The following P3H2 variants were observed in gnomAD, a reference collection of about 807,000 sequenced individuals.
P3H2 encodes the protein leprecan-like 1.
In P3H2, 80 loss-of-function variants were observed where a neutral mutation model predicts 87.0. The ratio of observed to expected loss-of-function variants is 0.92; its 90% confidence interval spans 0.77 to 1.11. The LOEUF (loss-of-function observed/expected upper bound fraction) is 1.11, where lower values mean the gene tolerates loss of function less well. Among genes scored for constraint, P3H2 ranks in the 50% least tolerant of loss-of-function variants. P3H2 has a pLI of 0.00. For synonymous variants in P3H2, 367 were observed against 359.3 expected, an observed-to-expected ratio of 1.02 and a Z score of -0.24; for missense variants, 1,001 against 923.9, an observed-to-expected ratio of 1.08 and a Z score of -1.08.
At chr3:189,976,924 C>T (rs1314802383) in intron 8 of P3H2, among the ~76,000 whole-genome samples, 2 of 152,124 alleles carry the variant, frequency 1.3e-5, no homozygotes, top group African/African-American at 2.4e-5. Flanking sequence ...AATTGTGTTG[C>T]ATTGAAAGTT....
In P3H2 at chr3:190,120,862, C is replaced by T. The variant is rs1712552831; in HGVS notation, c.-131G>A. 2.2e-6 allele frequency: 3 copies of T among 1,372,274 alleles called. No homozygotes were observed. The highest frequency in any genetic ancestry group is 2.9e-5 in the East Asian group (1 of 34,028). The allele number at this position is 1,372,274 out of a possible 1,614,324, so 85.0% of individuals were successfully genotyped here. ...GCCGCGATCTGGCCGCTCCGCGAGC[C>T]CCAGGTGACCGCCGGCGCTCCGCGT... On this transcript the variant is annotated 5_prime_UTR_variant, in exon 1 of 15. Transcript: ENST00000319332.
chr3:190,007,985 T>TATATATATATATATATAC (rs1724448616), intron 1 of P3H2, among the ~76,000 whole-genome samples: 1 of 136,866 alleles, frequency 7.3e-6, no homozygotes, highest in African/African-American at 2.7e-5. Context: ...TATATATATA[T>TATATATATATATATATAC]AGTAAACTTC....
At chr3:190,056,547 T>C (rs1412710983) in intron 1 of P3H2, among the ~76,000 whole-genome samples, 1 of 152,250 alleles carries the variant, frequency 6.6e-6, no homozygotes, top group Non-Finnish European at 1.5e-5. Flanking sequence ...ATAGGTGGAC[T>C]CTTTCTGAAA....
chr3:190,058,493 G>A (rs1044513068), intron 1 of P3H2, among the ~76,000 whole-genome samples: 26 of 152,182 alleles, frequency 1.7e-4, no homozygotes, highest in Non-Finnish European at 3.2e-4. Context: ...ATGGAATGGG[G>A]AGTAAATGGT....
chr3:190,096,416 C>T (rs1421792694), intron 1 of P3H2, among the ~76,000 whole-genome samples: 3 of 152,120 alleles, frequency 2.0e-5, no homozygotes, highest in African/African-American at 4.8e-5. Flanking sequence ...TGCTTTGCCA[C>T]GGTAACACGT....
At chr3:190,068,403 G>A (rs921690487) in intron 1 of P3H2, among the ~76,000 whole-genome samples, 16 of 152,080 alleles carry the variant, frequency 1.1e-4, no homozygotes, top group African/African-American at 3.6e-4. Flanking sequence ...GTGGCCAAGC[G>A]GTCTGGTCAC....
chr3:189,970,803 T>A lies in P3H2; in HGVS notation c.1893+13A>T, dbSNP rs766718303. On this transcript the variant is annotated intron_variant, in intron 13 of 14. Coordinates refer to ENST00000319332, the MANE Select transcript of P3H2 (RefSeq NM_018192.4). ...AACATACTAAATAAGTATTCAAGAA[T>A]AGGTTTACTTACAGTCACAGTCTTA... 1.6e-5 allele frequency: 24 copies of A among 1,487,616 alleles called. No individual in the cohort carries two copies. In the South Asian group the frequency reaches 2.7e-4, roughly 17 times the overall value. 92.2% of individuals were successfully genotyped at this position (1,487,616 alleles called of 1,614,324 possible).
At chr3:190,084,967 G>T (rs1016637060) in intron 1 of P3H2, among the ~76,000 whole-genome samples, 1 of 151,330 alleles carries the variant, frequency 6.6e-6, no homozygotes, top group Admixed American at 6.6e-5. Flanking sequence ...AAAAAAGAAA[G>T]AAAGAAAACT....
intron 1 of P3H2, among the ~76,000 whole-genome samples, chr3:190,041,073 C>A (rs1181481980): frequency 4.6e-5 from 2 of 43,804 alleles, no homozygotes; most frequent in Non-Finnish European, 7.8e-5. Context: ...CACACACACA[C>A]ACACACACTC....
chr3:190,083,811 C>T (rs1350951536), intron 1 of P3H2, among the ~76,000 whole-genome samples: 2 of 152,164 alleles, frequency 1.3e-5, no homozygotes. Context: ...ACAACAGAAC[C>T]CTCCCTGGTG....
intron 1 of P3H2, among the ~76,000 whole-genome samples, chr3:190,011,272 C>CA (rs35396025): frequency 0.35 from 37,195 of 106,922 alleles, 5,102 homozygotes; most frequent in East Asian, 0.42. Context: ...ACTCCATCTC[C>CA]AAAAAAAAAA....
At position 189,987,714 on chromosome 3, in the gene P3H2, TC is replaced by T. The variant is rs780623222; in HGVS notation, c.956-46del. On this transcript the variant is annotated intron_variant, in intron 4 of 14. Transcript: ENST00000319332. Reference sequence around the variant, plus strand: ...CAGCATTAGAGTCAGCCTAGGTCTGTCCAAAGGATTTTAAAGGGAGGCCATC... The same window carrying T: ...CAGCATTAGAGTCAGCCTAGGTCTGTCAAAGGATTTTAAAGGGAGGCCATC... The T allele has an allele frequency of 7.2e-5, 116 of 1,613,418 alleles. 1 individual carries two copies. The South Asian group carries it at 1.2e-3, about 16-fold the overall frequency.
Position 190,120,707 on chromosome 3 carries a change from G to C in P3H2, c.25C>G (p.Pro9Ala). MRERIWAPPLLLLLPLLLP... is the reference protein window; with the variant it reads MRERIWAPALLLLLPLLLP... ...AGCAGCGGCAGCAGCAGCAGCAGCG[G>C]CGGCGCCCAGATGCGCTCCCGCATC... Residue 9 changes from proline to alanine, a missense_variant, in exon 1 of 15, where the codon CCG becomes GCG. Transcript: ENST00000319332. 6.6e-7 allele frequency: 1 copy of C among 1,520,232 alleles called. No individual in the cohort carries two copies. Among genetic ancestry groups the C allele is most frequent in the Admixed American group, 2.0e-5 (1 of 49,792 alleles). The allele number at this position is 1,520,232 out of a possible 1,614,324, so 94.2% of individuals were successfully genotyped here.
chr3:190,027,727 G>A (rs549703809), intron 1 of P3H2, among the ~76,000 whole-genome samples: 2 of 150,770 alleles, frequency 1.3e-5, no homozygotes, highest in Admixed American at 1.3e-4. Context: ...GTGGGTAATC[G>A]ATTCATAAAA....
intron 1 of P3H2, among the ~76,000 whole-genome samples, chr3:190,103,720 A>C (rs1159961611): frequency 6.6e-6 from 1 of 152,210 alleles, no homozygotes; most frequent in Non-Finnish European, 1.5e-5. Context: ...AATCCGGTTC[A>C]CCGACTTATG....
In P3H2 at chr3:189,957,958, T is replaced by C. The variant is rs763784093; in HGVS notation, c.2081A>G (p.Gln694Arg). The change falls in exon 15 of 15, where the codon CAG becomes CGG. Residue 694 changes from glutamine to arginine, a missense_variant. Physicochemically the swap from Gln to Arg is conservative, Grantham distance 43 (BLOSUM62 1). Coordinates refer to ENST00000319332, the MANE Select transcript of P3H2 (RefSeq NM_018192.4). ...DEVIAILDQE[Q>R]QGKHELNINP... ...GATATTCAGTTCATGCTTCCCTTGCTGTTCTTGATCCAGAATTGCAATCAC... is the reference window on the plus strand; with the variant it reads ...GATATTCAGTTCATGCTTCCCTTGCCGTTCTTGATCCAGAATTGCAATCAC... 1 of 1,613,892 alleles carries C rather than the reference T, an allele frequency of 6.2e-7. No individual in the cohort carries two copies. Among genetic ancestry groups the C allele is most frequent in the Admixed American group, 1.7e-5 (1 of 60,034 alleles).
chr3:190,019,781 AAAAAATATATATAT>A lies in P3H2; in HGVS notation c.481-24353_481-24340del, dbSNP rs1724878308. Among the ~76,000 whole-genome samples the A allele has an allele frequency of 5.8e-5, 2 of 34,766 alleles. 1 individual carries two copies. The highest frequency in any genetic ancestry group is 3.1e-4 in the African/African-American group (2 of 6,508). 22.8% of individuals were successfully genotyped at this position (34,766 alleles called of 152,430 possible). On this transcript the variant is annotated intron_variant, in intron 1 of 14. Transcript: ENST00000319332. ...ATCCATGTGACATTACCTAGAAATTAAAAAATATATATATATATATATATATATATATATACTCA... is the reference window on the plus strand; with the variant it reads ...ATCCATGTGACATTACCTAGAAATTAATATATATATATATATATATACTCA...
At chr3:189,962,559 C>T (rs1441429865) in intron 14 of P3H2, among the ~76,000 whole-genome samples, 1 of 152,188 alleles carries the variant, frequency 6.6e-6, no homozygotes, top group African/African-American at 2.4e-5. Flanking sequence ...TGCTACAAAA[C>T]ATATACTGTT....
intron 1 of P3H2, among the ~76,000 whole-genome samples, chr3:190,000,075 T>C (rs114964876): frequency 1.5e-3 from 235 of 152,280 alleles, no homozygotes; most frequent in African/African-American, 5.6e-3. Context: ...AAGCACACAT[T>C]GACTATTCAA....
Sources: allele counts gnomAD v4.1 joint callset (sites outside exome capture counted in the v4.1 genomes callset), GRCh38; gene constraint gnomAD v4.1.1; transcripts MANE v1.5; gene names NCBI Gene and HGNC (gene_info 2026-07-23, HGNC 2026-07-21).